The following GALNT14 variants were observed in gnomAD, a reference collection of about 807,000 sequenced individuals.
GALNT14 encodes the protein polypeptide N-acetylgalactosaminyltransferase 14.
GALNT14 carries 60 observed loss-of-function variants against 77.5 expected under a neutral mutation model. The ratio of observed to expected loss-of-function variants is 0.77; its 90% CI spans 0.63 to 0.96. The LOEUF (loss-of-function observed/expected upper bound fraction) is 0.96, where lower values mean the gene tolerates loss of function less well. GALNT14 is among the 40% of genes least tolerant of loss of function. The probability of loss-of-function intolerance (pLI) is 0.00; values close to 1 mark genes in which losing one functional copy is unlikely to be tolerated. For missense variants in GALNT14, 710 were observed against 731.0 expected (o/e 0.97, Z 0.33); for synonymous variants, 280 against 281.7 (o/e 0.99, Z 0.06).
chr2:30,967,781 C>A (rs1471298226), intron 2 of GALNT14, among the ~76,000 whole-genome samples: 1 of 152,192 alleles, frequency 6.6e-6, no homozygotes, highest in Admixed American at 6.5e-5. Flanking sequence ...CTGTCCACCA[C>A]ATAGCTCTGC....
intron 1 of GALNT14, among the ~76,000 whole-genome samples, chr2:31,062,850 T>A (rs528487336): frequency 9.2e-5 from 14 of 152,340 alleles, no homozygotes; most frequent in Admixed American, 2.6e-4. Flanking sequence ...GTTGGCCACA[T>A]AAATGTCTTT....
chr2:30,949,158 C>T (rs765109233), intron 6 of GALNT14, among the ~76,000 whole-genome samples: 30 of 152,174 alleles, frequency 2.0e-4, no homozygotes, highest in Non-Finnish European at 3.8e-4. Context: ...AGTCAGGACA[C>T]GACCTCTCTG....
intron 1 of GALNT14, among the ~76,000 whole-genome samples, chr2:31,041,304 T>A (rs563743354): frequency 4.7e-4 from 72 of 152,286 alleles, no homozygotes; most frequent in African/African-American, 1.7e-3. Flanking sequence ...ATATGTGTTA[T>A]AAAAATGATT....
At chr2:30,958,570 A>G (rs1414282966) in intron 3 of GALNT14, 106 bp from the exon 4 acceptor site, 1 of 849,736 alleles carries the variant, frequency 1.2e-6, no homozygotes, top group Non-Finnish European at 1.9e-6. Context: ...ATGAAAAATC[A>G]GAGCACCAAC....
At chr2:30,957,641 C>T (rs907777448) in intron 4 of GALNT14, among the ~76,000 whole-genome samples, 1 of 152,170 alleles carries the variant, frequency 6.6e-6, no homozygotes, top group Non-Finnish European at 1.5e-5. Flanking sequence ...TTCCAGCCTT[C>T]GTACAGCAGA....
At chr2:31,068,376 A>G (rs994904099) in intron 1 of GALNT14, among the ~76,000 whole-genome samples, 1 of 152,006 alleles carries the variant, frequency 6.6e-6, no homozygotes, top group Admixed American at 6.5e-5. Flanking sequence ...AATCCCAGCT[A>G]TTCAGGAGGC....
chr2:30,953,208 G>C (rs536459110), intron 6 of GALNT14, among the ~76,000 whole-genome samples: 1 of 152,006 alleles, frequency 6.6e-6, no homozygotes, highest in Non-Finnish European at 1.5e-5. Flanking sequence ...TTTTTGGGGA[G>C]GTAAAGGTTC....
intron 1 of GALNT14, among the ~76,000 whole-genome samples, chr2:31,114,119 C>T (rs1018470757): frequency 6.6e-6 from 1 of 152,146 alleles, no homozygotes; most frequent in African/African-American, 2.4e-5. Flanking sequence ...CTAACTGCAC[C>T]AGAAGCTCTT....
intron 2 of GALNT14, among the ~76,000 whole-genome samples, chr2:30,972,354 C>T (rs574106453): frequency 1.3e-5 from 2 of 152,288 alleles, no homozygotes; most frequent in Admixed American, 1.3e-4. Flanking sequence ...ACAGGCCTGG[C>T]GTGGCGTGGG....
intron 1 of GALNT14, among the ~76,000 whole-genome samples, chr2:31,073,905 A>G (rs6722828): frequency 0.59 from 89,790 of 151,978 alleles, 27,339 homozygotes; most frequent in African/African-American, 0.75. Flanking sequence ...AAGGGGAGGA[A>G]CAGAACGCTC....
the GALNT14 span, among the ~76,000 whole-genome samples, chr2:30,899,071 A>C: frequency 6.6e-6 from 1 of 152,222 alleles, no homozygotes; most frequent in Non-Finnish European, 1.5e-5. Flanking sequence ...TGCACACCTC[A>C]GTGCTATTAA....
chr2:30,920,987 T>C (rs1664997479), intron 13 of GALNT14, among the ~76,000 whole-genome samples: 1 of 152,202 alleles, frequency 6.6e-6, no homozygotes, highest in African/African-American at 2.4e-5. Flanking sequence ...CTCAGTACCA[T>C]CTTCCAGAGA....
At chr2:30,929,914 G>C (rs150732178) in intron 10 of GALNT14, among the ~76,000 whole-genome samples, 2 of 152,314 alleles carry the variant, frequency 1.3e-5, no homozygotes, top group African/African-American at 4.8e-5. Context: ...TGGGGATGCT[G>C]AATAAACTGT....
At chr2:31,110,618 A>G (rs1470240743) in intron 1 of GALNT14, among the ~76,000 whole-genome samples, 1 of 152,174 alleles carries the variant, frequency 6.6e-6, no homozygotes, top group East Asian at 1.9e-4. Flanking sequence ...CCAGGGAAAC[A>G]ACCACAGGAA....
intron 3 of GALNT14, among the ~76,000 whole-genome samples, chr2:30,959,500 C>T (rs895734200): frequency 6.6e-6 from 1 of 152,200 alleles, no homozygotes; most frequent in African/African-American, 2.4e-5. Context: ...CTACTTACTA[C>T]AAGCTGTGTA....
intron 1 of GALNT14, among the ~76,000 whole-genome samples, chr2:31,044,947 C>A (rs1573231846): frequency 6.6e-6 from 1 of 151,652 alleles, no homozygotes; most frequent in Non-Finnish European, 1.5e-5. Context: ...GGTAGCAGAT[C>A]CGTCAGGCAT....
At chr2:30,990,396 G>A (rs74375596) in intron 2 of GALNT14, among the ~76,000 whole-genome samples, 4,106 of 152,330 alleles carry the variant, frequency 0.027, 190 homozygotes, top group African/African-American at 0.094. Context: ...CAGTGGGGAG[G>A]CTGGAATCAC....
intron 6 of GALNT14, among the ~76,000 whole-genome samples, chr2:30,948,491 G>A (rs2148297346): frequency 6.6e-6 from 1 of 152,342 alleles, no homozygotes; most frequent in Admixed American, 6.5e-5. Flanking sequence ...GACCATGAGG[G>A]TAGTTAGCCA....
chr2:31,025,829 A>G (rs1389530834), intron 1 of GALNT14, among the ~76,000 whole-genome samples: 1 of 152,126 alleles, frequency 6.6e-6, no homozygotes, highest in Non-Finnish European at 1.5e-5. Context: ...CTCCAACCAG[A>G]GTTGAGTGCA....
Sources: gnomAD v4.1 joint callset for allele counts (sites outside exome capture counted in the v4.1 genomes callset) on GRCh38, gnomAD v4.1.1 for gene constraint, MANE v1.5 for transcripts, NCBI Gene and HGNC (gene_info 2026-07-23, HGNC 2026-07-21) for gene names.